APP: variants seen among roughly 807,000 people sequenced by gnomAD.
The protein encoded by APP is amyloid beta precursor protein.
Under a neutral mutation model 101.4 loss-of-function variants are expected in APP, and 31 were observed. That is an observed-to-expected ratio of 0.31 (90% CI 0.23 to 0.41). APP has a LOEUF of 0.41. Ranked by LOEUF, APP falls within the 10% of genes least tolerant of loss-of-function variation. APP has a pLI of 1.00. For synonymous variants in APP, 366 were observed against 364.4 expected (o/e 1.00, Z -0.05); for missense variants, 839 against 1,003.7 (o/e 0.84, Z 2.22).
chr21:26,045,271 G>A (rs1282833008), intron 5 of APP, among the ~76,000 whole-genome samples: 1 of 151,684 alleles, frequency 6.6e-6, no homozygotes, highest in Non-Finnish European at 1.5e-5. Context: ...AAATGAAATT[G>A]CAAGTATAAA....
Position 25,983,837 on chromosome 21 carries a change from T to A in APP, c.1091-1360A>T, listed in dbSNP as rs550149703. ...CAAATGAGGGAGTGGTGTTCCTTCT[T>A]ACATTGGCAGCAACGGGGGAAGGAA... On this transcript the variant is annotated intron_variant, in intron 8 of 17. Coordinates refer to ENST00000346798, the MANE Select transcript of APP (RefSeq NM_000484.4). 8.5e-5 allele frequency among the ~76,000 whole-genome samples: 13 copies of A among 152,274 alleles called. No homozygotes were observed. The South Asian group carries it at 2.5e-3, about 29-fold the overall frequency.
At chr21:26,003,220 A>G (rs147679681) in intron 6 of APP, among the ~76,000 whole-genome samples, 105 of 152,346 alleles carry the variant, frequency 6.9e-4, no homozygotes, top group Non-Finnish European at 1.2e-3. Flanking sequence ...AGCATTCAGA[A>G]CTCAAAATCC....
chr21:26,021,482 G>C lies in APP; in HGVS notation c.865+358C>G, dbSNP rs45508692. On this transcript the variant is annotated intron_variant, in intron 6 of 17. Coordinates refer to ENST00000346798, the MANE Select transcript of APP (RefSeq NM_000484.4). Reference sequence around the variant, plus strand: ...CCTCAAGGAGCTCATCGTCTAGGTGGTAACAGACAATATTATATAACAAAC... The same window carrying C: ...CCTCAAGGAGCTCATCGTCTAGGTGCTAACAGACAATATTATATAACAAAC... 4.4e-3 allele frequency among the ~76,000 whole-genome samples: 663 copies of C among 152,156 alleles called. 3 individuals carry two copies. Among genetic ancestry groups the C allele is most frequent in the African/African-American group, 0.015 (640 of 41,506 alleles).
At chr21:26,149,527 C>T (rs908921531) in intron 1 of APP, among the ~76,000 whole-genome samples, 13 of 152,152 alleles carry the variant, frequency 8.5e-5, no homozygotes, top group African/African-American at 2.7e-4. Flanking sequence ...CAATATGGCA[C>T]GGTTGACCGC....
At chr21:25,968,797 G>A (rs927304867) in intron 11 of APP, among the ~76,000 whole-genome samples, 2 of 152,046 alleles carry the variant, frequency 1.3e-5, no homozygotes, top group African/African-American at 4.8e-5. Context: ...GAGAATATAC[G>A]GTAGAATTTG....
At chr21:26,017,048 A>G (rs2044114661) in intron 6 of APP, among the ~76,000 whole-genome samples, 1 of 151,550 alleles carries the variant, frequency 6.6e-6, no homozygotes, top group African/African-American at 2.4e-5. Context: ...AATACAAAAA[A>G]ATTAGCCGGG....
chr21:26,046,808 T>C (rs981784620), intron 5 of APP, among the ~76,000 whole-genome samples: 1 of 152,176 alleles, frequency 6.6e-6, no homozygotes, highest in Non-Finnish European at 1.5e-5. Context: ...CAGTTCCAGG[T>C]GAGGAGCAGC....
intron 13 of APP, among the ~76,000 whole-genome samples, chr21:25,944,671 C>T (rs1193012731): frequency 6.6e-6 from 1 of 152,192 alleles, no homozygotes; most frequent in African/African-American, 2.4e-5. Context: ...AATTTGGATT[C>T]ATCTCCATAC....
chr21:25,980,561 A>G (rs2042389880), intron 9 of APP, among the ~76,000 whole-genome samples: 1 of 152,200 alleles, frequency 6.6e-6, no homozygotes, highest in Non-Finnish European at 1.5e-5. Flanking sequence ...AGAACTGCAC[A>G]TTATATTCCA....
intron 1 of APP, among the ~76,000 whole-genome samples, chr21:26,162,801 T>G (rs1220972378): frequency 6.9e-6 from 1 of 143,978 alleles, no homozygotes; most frequent in Non-Finnish European, 1.5e-5. Context: ...TCATCTAGGA[T>G]GCCTTACATT....
intron 13 of APP, among the ~76,000 whole-genome samples, chr21:25,925,365 G>A (rs1223816510): frequency 1.3e-5 from 2 of 152,162 alleles, no homozygotes; most frequent in Non-Finnish European, 2.9e-5. Context: ...CAAAATCGTG[G>A]GAGGCTGGTT....
intron 6 of APP, among the ~76,000 whole-genome samples, chr21:26,011,265 G>A (rs140496898): frequency 6.6e-6 from 1 of 151,872 alleles, no homozygotes; most frequent in East Asian, 2.0e-4. Flanking sequence ...TAGTAGAGAC[G>A]GGGTTTCACC....
At chr21:25,933,662 C>T (rs1186554019) in intron 13 of APP, among the ~76,000 whole-genome samples, 1 of 152,184 alleles carries the variant, frequency 6.6e-6, no homozygotes, top group Non-Finnish European at 1.5e-5. Flanking sequence ...GCCTTTTCAT[C>T]TTCCAAGTGT....
chr21:25,972,278 CATATCAAA>C (rs1180938344), intron 11 of APP, among the ~76,000 whole-genome samples: 1 of 151,588 alleles, frequency 6.6e-6, no homozygotes, highest in African/African-American at 2.4e-5. Context: ...GATACCATGG[CATATCAAA>C]ATTAAATTGT....
At chr21:26,131,781 AAGAT>A (rs2062802721) in intron 1 of APP, among the ~76,000 whole-genome samples, 1 of 152,218 alleles carries the variant, frequency 6.6e-6, no homozygotes, top group African/African-American at 2.4e-5. Context: ...ATATGACTGA[AAGAT>A]AGTCATGTCT....
chr21:26,090,097 A>T (rs371015179), intron 2 of APP, 25 bp from the exon 3 acceptor site: 2 of 1,613,550 alleles, frequency 1.2e-6, no homozygotes, highest in Non-Finnish European at 1.7e-6. Flanking sequence ...AAAAAGAATC[A>T]ATTGTTACTT....
In APP at chr21:25,897,460, G is replaced by A. The variant is rs1053353073; in HGVS notation, c.2064+113C>T. 10 of 870,394 alleles carry A rather than the reference G, an allele frequency of 1.1e-5. No individual in the cohort carries two copies. The African/African-American group carries it at 1.2e-4, about 10-fold the overall frequency. 53.9% of individuals were successfully genotyped at this position (870,394 alleles called of 1,614,324 possible). On this transcript the variant is annotated intron_variant, in intron 16 of 17. Transcript: ENST00000346798. ...GTTTTCATGGTAATCCTATAGGCAA[G>A]CATTGTATTTTTATCTTTTCCTTAA...
intron 9 of APP, among the ~76,000 whole-genome samples, chr21:25,979,887 T>C (rs1461922207): frequency 7.4e-3 from 1 of 136 alleles, no homozygotes; most frequent in African/African-American, 0.031. Flanking sequence ...AAGGTTTCTA[T>C]CCAGCTTGGA....
chr21:26,004,313 C>T lies in APP; in HGVS notation c.866-4131G>A, dbSNP rs185415022. Among the ~76,000 whole-genome samples the T allele has an allele frequency of 4.3e-3, 532 of 123,658 alleles. 6 individuals are homozygous for T. Among genetic ancestry groups the T allele is most frequent in the African/African-American group, 0.014 (464 of 32,566 alleles). 81.1% of individuals were successfully genotyped at this position (123,658 alleles called of 152,430 possible). On this transcript the variant is annotated intron_variant, in intron 6 of 17. Transcript: ENST00000346798. ...TTTTTTTTTTTTTGAGACAGAGTCT[C>T]GCTCTGTTGCCCAGGCTGGAATGCA... is the stretch of plus-strand genomic sequence containing the variant.
Sources: allele counts gnomAD v4.1 joint callset (sites outside exome capture counted in the v4.1 genomes callset), GRCh38; gene constraint gnomAD v4.1.1; transcripts MANE v1.5; gene names NCBI Gene and HGNC (gene_info 2026-07-23, HGNC 2026-07-21).